The following TBC1D22A variants were observed in gnomAD, a reference collection of about 807,000 sequenced individuals.
TBC1D22A encodes TBC1 domain family member 22A.
TBC1D22A carries 38 observed loss-of-function variants against 60.2 expected under a neutral mutation model. The ratio of observed to expected loss-of-function variants is 0.63; its 90% CI spans 0.49 to 0.83. TBC1D22A has a LOEUF of 0.83. Ranked by LOEUF, TBC1D22A falls within the 40% of genes least tolerant of loss-of-function variation. TBC1D22A has a pLI of 0.00. For synonymous variants in TBC1D22A, 302 were observed against 281.7 expected (o/e 1.07, Z -0.72); for missense variants, 628 against 701.0 (o/e 0.90, Z 1.18).
At chr22:46,946,957 A>G (rs1314332776) in intron 8 of TBC1D22A, among the ~76,000 whole-genome samples, 2 of 152,180 alleles carry the variant, frequency 1.3e-5, no homozygotes, top group South Asian at 2.1e-4. Flanking sequence ...TTTGTAGTAC[A>G]GTCCAGTTGT....
At chr22:47,083,178 G>T (rs2064540066) in intron 11 of TBC1D22A, among the ~76,000 whole-genome samples, 1 of 152,162 alleles carries the variant, frequency 6.6e-6, no homozygotes, top group Admixed American at 6.5e-5. Context: ...GGTAGTGCGG[G>T]ATTGCTGGCA....
chr22:47,014,842 C>T (rs2061858982), intron 10 of TBC1D22A, among the ~76,000 whole-genome samples: 1 of 152,172 alleles, frequency 6.6e-6, no homozygotes, highest in Non-Finnish European at 1.5e-5. Flanking sequence ...CATGTGGGGG[C>T]CTCCCCCAGC....
At chr22:46,842,743 T>C (rs1569117965) in intron 4 of TBC1D22A, among the ~76,000 whole-genome samples, 1 of 152,246 alleles carries the variant, frequency 6.6e-6, no homozygotes, top group Non-Finnish European at 1.5e-5. Context: ...GTGCACACAC[T>C]GTGTAGCCAC....
chr22:46,996,151 A>G (rs1184085628), intron 9 of TBC1D22A, among the ~76,000 whole-genome samples: 1 of 152,200 alleles, frequency 6.6e-6, no homozygotes, highest in Non-Finnish European at 1.5e-5. Flanking sequence ...GCTACGAGCC[A>G]GCACCTGCCT....
At chr22:46,848,611 T>C (rs540869001) in intron 4 of TBC1D22A, among the ~76,000 whole-genome samples, 37 of 152,360 alleles carry the variant, frequency 2.4e-4, no homozygotes, top group African/African-American at 8.4e-4. Context: ...ACAAATGTTA[T>C]TGCCTTTTTC....
chr22:46,891,193 A>T, intron 5 of TBC1D22A, 73 bp from the exon 6 acceptor site: 1 of 1,463,098 alleles, frequency 6.8e-7, no homozygotes, highest in Non-Finnish European at 9.1e-7. Context: ...AAGTCTTTTT[A>T]TTTCACGCTT....
intron 12 of TBC1D22A, among the ~76,000 whole-genome samples, chr22:47,135,844 C>T (rs545229714): frequency 8.1e-4 from 124 of 152,200 alleles, no homozygotes; most frequent in South Asian, 3.9e-3. Context: ...CAGGACCACC[C>T]GGACACACGT....
intron 11 of TBC1D22A, among the ~76,000 whole-genome samples, chr22:47,086,662 GC>G (rs1055475898): frequency 3.3e-5 from 5 of 152,128 alleles, no homozygotes; most frequent in Non-Finnish European, 7.4e-5. Flanking sequence ...ATTATCTAAT[GC>G]CCAACAGCAG....
At chr22:46,977,754 G>A (rs573997183) in intron 9 of TBC1D22A, among the ~76,000 whole-genome samples, 6 of 152,244 alleles carry the variant, frequency 3.9e-5, no homozygotes, top group South Asian at 2.1e-4. Context: ...CTGGTGTGTC[G>A]TACAGGGCTG....
At chr22:46,835,987 A>G (rs1469860389) in intron 4 of TBC1D22A, among the ~76,000 whole-genome samples, 2 of 152,240 alleles carry the variant, frequency 1.3e-5, no homozygotes, top group Admixed American at 6.5e-5. Flanking sequence ...AATACCCAGC[A>G]AAGCTGTCCT....
At chr22:46,783,591 G>GT (rs10551971) in intron 1 of TBC1D22A, among the ~76,000 whole-genome samples, 2,191 of 151,320 alleles carry the variant, frequency 0.014, 56 homozygotes, top group African/African-American at 0.044. Flanking sequence ...TGCAGGAGCA[G>GT]TTTTTTTTTT....
At chr22:46,999,737 C>T (rs552922939) in intron 10 of TBC1D22A, among the ~76,000 whole-genome samples, 2 of 152,268 alleles carry the variant, frequency 1.3e-5, no homozygotes, top group African/African-American at 4.8e-5. Flanking sequence ...AAAAAAAAAG[C>T]TTCTCAGGCC....
intron 4 of TBC1D22A, among the ~76,000 whole-genome samples, chr22:46,840,590 G>C (rs1226161279): frequency 1.3e-5 from 2 of 152,180 alleles, no homozygotes; most frequent in African/African-American, 4.8e-5. Flanking sequence ...AAAATTAGCT[G>C]GGCATGGTAG....
chr22:47,099,555 C>G lies in TBC1D22A; in HGVS notation c.1330-11953C>G, dbSNP rs531457983. Among the ~76,000 whole-genome samples, 6 of 152,060 alleles carry G rather than the reference C, an allele frequency of 3.9e-5. No homozygotes were observed. In the East Asian group the frequency reaches 1.2e-3, roughly 29 times the overall value. The stretch of plus-strand genomic sequence containing the variant: ...CTGCCTCCCGGGTTCAAGCAATTCT[C>G]CTGCCTCAGCCTCCCGAGTAGCTGG... On this transcript the variant is annotated intron_variant, in intron 11 of 12. Transcript: ENST00000337137.
chr22:46,939,678 C>T (rs1023910692), intron 8 of TBC1D22A, among the ~76,000 whole-genome samples: 4 of 152,124 alleles, frequency 2.6e-5, no homozygotes, highest in South Asian at 2.1e-4. Flanking sequence ...TGACTGTCTT[C>T]GACAAAATTG....
intron 11 of TBC1D22A, among the ~76,000 whole-genome samples, chr22:47,090,099 G>T (rs1260438579): frequency 1.3e-5 from 2 of 152,150 alleles, no homozygotes; most frequent in Admixed American, 1.3e-4. Flanking sequence ...CAGAGGGGTG[G>T]GGGGGCGGTC....
intron 8 of TBC1D22A, among the ~76,000 whole-genome samples, chr22:46,941,610 G>A (rs554428176): frequency 2.0e-5 from 3 of 146,446 alleles, no homozygotes; most frequent in East Asian, 3.9e-4. Flanking sequence ...ATATATACGC[G>A]GAATATATAT....
At chr22:46,945,634 G>T (rs575950835) in intron 8 of TBC1D22A, among the ~76,000 whole-genome samples, 2 of 152,288 alleles carry the variant, frequency 1.3e-5, no homozygotes, top group South Asian at 4.1e-4. Context: ...GTGTCCTGGG[G>T]TCTGCATTTG....
At chr22:46,796,856 G>T (rs923449676) in intron 3 of TBC1D22A, among the ~76,000 whole-genome samples, 4 of 152,162 alleles carry the variant, frequency 2.6e-5, no homozygotes, top group Admixed American at 6.5e-5. Context: ...TGGGATGAGG[G>T]TCCCTGTGGG....
Sources: gnomAD v4.1 joint callset for allele counts (sites outside exome capture counted in the v4.1 genomes callset) on GRCh38, gnomAD v4.1.1 for gene constraint, MANE v1.5 for transcripts, NCBI Gene and HGNC (gene_info 2026-07-23, HGNC 2026-07-21) for gene names.